Variants in TMEFF2 observed in about 807,000 individuals in gnomAD.
TMEFF2 encodes transmembrane protein with EGF like and two follistatin like domains 2, also known as tomoregulin-2.
A neutral mutation model predicts 53.8 loss-of-function variants in TMEFF2; 28 were observed. That is an observed-to-expected ratio of 0.52 (90% CI 0.39 to 0.71). The LOEUF is 0.71. Among genes scored for constraint, TMEFF2 ranks in the 30% least tolerant of loss-of-function variants. The pLI is 0.00. For synonymous variants in TMEFF2, 162 were observed against 166.3 expected (o/e 0.97, Z 0.20); for missense variants, 353 against 455.2 (o/e 0.78, Z 2.04).
chr2:191,999,456 T>G (rs1163655989), intron 5 of TMEFF2, among the ~76,000 whole-genome samples: 1 of 152,044 alleles, frequency 6.6e-6, no homozygotes, highest in African/African-American at 2.4e-5. Flanking sequence ...GATCATCAGT[T>G]AATTTCTGCC....
chr2:191,962,930 C>T (rs919727105), intron 7 of TMEFF2, among the ~76,000 whole-genome samples: 1 of 152,104 alleles, frequency 6.6e-6, no homozygotes, highest in African/African-American at 2.4e-5. Context: ...CAGTCCAGAG[C>T]CTATTAACTC....
chr2:192,072,270 T>A (rs1411890652), intron 4 of TMEFF2, among the ~76,000 whole-genome samples: 1 of 151,970 alleles, frequency 6.6e-6, no homozygotes, highest in Non-Finnish European at 1.5e-5. Flanking sequence ...AGTTCTTGTA[T>A]CCTTAAATAG....
intron 4 of TMEFF2, among the ~76,000 whole-genome samples, chr2:192,116,631 TAAC>T (rs1370446868): frequency 6.6e-6 from 1 of 152,106 alleles, no homozygotes; most frequent in African/African-American, 2.4e-5. Flanking sequence ...TTCAAGTTGT[TAAC>T]AATCTGAAAA....
intron 4 of TMEFF2, among the ~76,000 whole-genome samples, chr2:192,102,665 G>C (rs1173760067): frequency 1.0e-5 from 1 of 98,668 alleles, no homozygotes; most frequent in Non-Finnish European, 1.8e-5. Context: ...GTCTTGCTCT[G>C]TCACCCAAGC....
chr2:192,029,878 A>ACCC (rs1301535429), intron 5 of TMEFF2, among the ~76,000 whole-genome samples: 10 of 152,088 alleles, frequency 6.6e-5, no homozygotes, highest in Admixed American at 1.3e-4. Flanking sequence ...ATTTTTGAAA[A>ACCC]CCCCTTTAAT....
chr2:192,160,420 T>G (rs1340293902), intron 4 of TMEFF2, among the ~76,000 whole-genome samples: 1 of 152,092 alleles, frequency 6.6e-6, no homozygotes, highest in Non-Finnish European at 1.5e-5. Context: ...TATTAGAAAA[T>G]TTGGCTTCTG....
intron 5 of TMEFF2, among the ~76,000 whole-genome samples, chr2:192,039,563 A>G (rs1687423111): frequency 6.6e-6 from 1 of 152,240 alleles, no homozygotes; most frequent in African/African-American, 2.4e-5. Context: ...TAAAATATTT[A>G]CAGAAAAATA....
intron 5 of TMEFF2, among the ~76,000 whole-genome samples, chr2:192,040,974 A>G (rs185086744): frequency 1.1e-4 from 16 of 152,326 alleles, no homozygotes; most frequent in African/African-American, 3.1e-4. Flanking sequence ...AAAATACCAC[A>G]AAATGGATCA....
At chr2:192,175,230 G>A (rs1036383752) in intron 4 of TMEFF2, among the ~76,000 whole-genome samples, 1 of 151,496 alleles carries the variant, frequency 6.6e-6, no homozygotes, top group Non-Finnish European at 1.5e-5. Context: ...AGAAAGACAA[G>A]GATTTTTTTA....
At chr2:192,030,327 T>A (rs1687097043) in intron 5 of TMEFF2, 1 of 152,208 alleles carries the variant, frequency 6.6e-6, no homozygotes, top group Admixed American at 6.5e-5. Flanking sequence ...ATGATTGCTA[T>A]AAGCACACAT....
chr2:191,980,567 T>G (rs1685831091), intron 7 of TMEFF2, among the ~76,000 whole-genome samples: 2 of 152,084 alleles, frequency 1.3e-5, no homozygotes, highest in Non-Finnish European at 2.9e-5. Context: ...TTCCAGGGCT[T>G]CTTGTTATTT....
chr2:192,156,166 T>A (rs766023009), intron 4 of TMEFF2, among the ~76,000 whole-genome samples: 2 of 152,036 alleles, frequency 1.3e-5, no homozygotes, highest in Non-Finnish European at 2.9e-5. Context: ...TCTGCCCTCT[T>A]GCAGCTTACC....
intron 5 of TMEFF2, among the ~76,000 whole-genome samples, chr2:192,044,855 A>G (rs746250765): frequency 2.0e-5 from 3 of 152,198 alleles, no homozygotes. Flanking sequence ...CTAAGTTACT[A>G]TTTGACCTGA....
chr2:192,118,364 G>A (rs1307564246), intron 4 of TMEFF2, among the ~76,000 whole-genome samples: 1 of 152,106 alleles, frequency 6.6e-6, no homozygotes, highest in African/African-American at 2.4e-5. Flanking sequence ...TAAAAATTTT[G>A]GGAATGATGT....
At chr2:192,168,119 A>T (rs566683990) in intron 4 of TMEFF2, among the ~76,000 whole-genome samples, 1 of 152,102 alleles carries the variant, frequency 6.6e-6, no homozygotes, top group Non-Finnish European at 1.5e-5. Context: ...TTTTCTCTCC[A>T]TATATCTTTG....
At chr2:191,957,055 C>A (rs1296389887) in intron 7 of TMEFF2, among the ~76,000 whole-genome samples, 1 of 152,192 alleles carries the variant, frequency 6.6e-6, no homozygotes, top group Non-Finnish European at 1.5e-5. Context: ...CCTGTATTAA[C>A]AATGCTATGT....
At chr2:192,098,744 C>G (rs1248102830) in intron 4 of TMEFF2, among the ~76,000 whole-genome samples, 2 of 152,166 alleles carry the variant, frequency 1.3e-5, no homozygotes, top group African/African-American at 4.8e-5. Flanking sequence ...CCAGGAAGGA[C>G]AGCAGGATGG....
At chr2:192,109,848 T>C (rs1023750331) in intron 4 of TMEFF2, among the ~76,000 whole-genome samples, 6 of 152,108 alleles carry the variant, frequency 3.9e-5, no homozygotes, top group Admixed American at 1.3e-4. Flanking sequence ...TCCTTAATTG[T>C]CTAATATTGT....
At chr2:191,957,153 A>G (rs1167968317) in intron 7 of TMEFF2, among the ~76,000 whole-genome samples, 1 of 152,180 alleles carries the variant, frequency 6.6e-6, no homozygotes, top group African/African-American at 2.4e-5. Context: ...TTGTTTTGCC[A>G]TGTTTTCATA....
Sources: allele counts gnomAD v4.1 joint callset (sites outside exome capture counted in the v4.1 genomes callset), GRCh38; gene constraint gnomAD v4.1.1; transcripts MANE v1.5; gene names NCBI Gene and HGNC (gene_info 2026-07-23, HGNC 2026-07-21).